GRID2: variants seen among roughly 807,000 people sequenced by gnomAD.
The protein encoded by GRID2 is glutamate receptor ionotropic, delta-2.
GRID2 carries 33 observed loss-of-function variants against 114.8 expected under a neutral mutation model. The observed-to-expected ratio is 0.29, with a 90% CI of 0.22 to 0.38. The LOEUF (loss-of-function observed/expected upper bound fraction) is 0.38, where lower values mean the gene tolerates loss of function less well. Among genes scored for constraint, GRID2 ranks in the 10% least tolerant of loss-of-function variants. The pLI is 1.00. For missense variants in GRID2, 1,184 were observed against 1,257.7 expected (o/e 0.94, Z 0.89); for synonymous variants, 505 against 449.9 (o/e 1.12, Z -1.55).
At chr4:93,169,165 C>T (rs1014713060) in intron 4 of GRID2, among the ~76,000 whole-genome samples, 1 of 150,288 alleles carries the variant, frequency 6.7e-6, no homozygotes, top group Admixed American at 6.7e-5. Flanking sequence ...CACACACACA[C>T]ACACACACAC....
rs557089736 is a variant in GRID2 at position 93,413,561 on chromosome 4, C to T, written c.1348-9210C>T. Among the ~76,000 whole-genome samples, 4 of 152,188 alleles carry T rather than the reference C, an allele frequency of 2.6e-5. No individual in the cohort carries two copies. In the East Asian group the frequency reaches 7.7e-4, roughly 29 times the overall value. On this transcript the variant is annotated intron_variant, in intron 9 of 15. Coordinates refer to ENST00000282020, the MANE Select transcript of GRID2 (RefSeq NM_001510.4). ...TCACATGCTTGCTGATAAATGTTAA[C>T]ATTCATTTTTATCCTTGCCAGTCAG...
intron 2 of GRID2, among the ~76,000 whole-genome samples, chr4:92,941,198 T>A (rs1751097284): frequency 6.6e-6 from 1 of 152,200 alleles, no homozygotes; most frequent in African/African-American, 2.4e-5. Context: ...CCTCTGGTCC[T>A]GGACTTTTTT....
intron 14 of GRID2, among the ~76,000 whole-genome samples, chr4:93,632,498 G>C (rs969634463): frequency 3.9e-5 from 6 of 152,020 alleles, no homozygotes; most frequent in African/African-American, 9.7e-5. Flanking sequence ...TCTTGTTTTT[G>C]TCAGGTTTGT....
intron 2 of GRID2, among the ~76,000 whole-genome samples, chr4:92,802,071 T>C (rs1740200301): frequency 6.6e-6 from 1 of 151,926 alleles, no homozygotes; most frequent in African/African-American, 2.4e-5. Flanking sequence ...ATGCCAATGT[T>C]TTCATTATAA....
At chr4:93,660,609 A>T (rs1436413275) in intron 14 of GRID2, among the ~76,000 whole-genome samples, 1 of 152,112 alleles carries the variant, frequency 6.6e-6, no homozygotes, top group Non-Finnish European at 1.5e-5. Flanking sequence ...TTAAAAATAT[A>T]TTTTAAGAAT....
chr4:93,142,165 A>T (rs952762111), intron 4 of GRID2, among the ~76,000 whole-genome samples: 7 of 152,168 alleles, frequency 4.6e-5, no homozygotes, highest in African/African-American at 1.7e-4. Flanking sequence ...GTGAGCCAAG[A>T]TGGTGCCACT....
chr4:92,606,023 TCTTCTTTCCAGGAAAA>T (rs569198358), intron 2 of GRID2, among the ~76,000 whole-genome samples: 36 of 152,188 alleles, frequency 2.4e-4, no homozygotes, highest in African/African-American at 8.2e-4. Flanking sequence ...CTGTAAGTGT[TCTTCTTTCCAGGAAAA>T]CTAAAATAAA....
At chr4:93,677,085 C>A (rs139306464) in intron 14 of GRID2, among the ~76,000 whole-genome samples, 3,996 of 152,308 alleles carry the variant, frequency 0.026, 71 homozygotes, top group Non-Finnish European at 0.038. Flanking sequence ...AAATACTGCG[C>A]TTTCCCTACG....
intron 8 of GRID2, among the ~76,000 whole-genome samples, chr4:93,358,372 G>C (rs1012148445): frequency 3.3e-5 from 5 of 151,804 alleles, no homozygotes; most frequent in Non-Finnish European, 7.4e-5. Flanking sequence ...ATTTTAATAA[G>C]TTAAGAAATT....
chr4:92,480,774 G>C (rs1301387707), intron 1 of GRID2, among the ~76,000 whole-genome samples: 2 of 152,088 alleles, frequency 1.3e-5, no homozygotes, highest in African/African-American at 4.8e-5. Flanking sequence ...TTAAGGTGTA[G>C]GCATATCTTT....
At chr4:93,247,342 T>C (rs1299433752) in intron 8 of GRID2, among the ~76,000 whole-genome samples, 2 of 152,174 alleles carry the variant, frequency 1.3e-5, no homozygotes, top group Non-Finnish European at 2.9e-5. Flanking sequence ...AGCATTTTAA[T>C]TGGCGTACTG....
chr4:92,359,381 T>A (rs113120896), intron 1 of GRID2, among the ~76,000 whole-genome samples: 4 of 152,042 alleles, frequency 2.6e-5, no homozygotes, highest in African/African-American at 9.7e-5. Flanking sequence ...AGCTCCATAC[T>A]GAAATGATTG....
At chr4:92,612,027 A>T (rs1270899169) in intron 2 of GRID2, among the ~76,000 whole-genome samples, 1 of 151,514 alleles carries the variant, frequency 6.6e-6, no homozygotes, top group Non-Finnish European at 1.5e-5. Context: ...TTATGTGTTT[A>T]GCTTTGATAT....
chr4:93,141,468 A>T (rs1398967353), intron 4 of GRID2, among the ~76,000 whole-genome samples: 3 of 152,210 alleles, frequency 2.0e-5, no homozygotes, highest in African/African-American at 7.2e-5. Context: ...CAAGCCTCTG[A>T]GATATCATCA....
At chr4:93,480,818 C>A (rs1163148392) in intron 11 of GRID2, among the ~76,000 whole-genome samples, 1 of 152,006 alleles carries the variant, frequency 6.6e-6, no homozygotes, top group Non-Finnish European at 1.5e-5. Context: ...TTTTTAATGT[C>A]TTTGTGTAGG....
At chr4:92,306,193 A>G (rs1725397644) in intron 1 of GRID2, among the ~76,000 whole-genome samples, 1 of 152,204 alleles carries the variant, frequency 6.6e-6, no homozygotes, top group South Asian at 2.1e-4. Flanking sequence ...GTCTTTGTAA[A>G]CATGTCTGCC....
chr4:93,263,662 A>G (rs1750496856), intron 8 of GRID2, among the ~76,000 whole-genome samples: 1 of 152,072 alleles, frequency 6.6e-6, no homozygotes, highest in African/African-American at 2.4e-5. Flanking sequence ...TTAGTGGATC[A>G]TCTTGACAGA....
Position 92,940,231 on chromosome 4 carries a change from T to G in GRID2, c.245-144764T>G, listed in dbSNP as rs574294077. ...TGTTCTTCCATTTGTTTGTATCCTC[T>G]TTTATTTCATTGAGCAGTGATTTGT... On this transcript the variant is annotated intron_variant, in intron 2 of 15. Coordinates refer to ENST00000282020, the MANE Select transcript of GRID2 (RefSeq NM_001510.4). Among the ~76,000 whole-genome samples the G allele has an allele frequency of 2.8e-3, 410 of 147,228 alleles. 39 individuals are homozygous for G. The highest frequency in any genetic ancestry group is 4.2e-3 in the Non-Finnish European group (281 of 66,470).
chr4:93,362,841 A>C (rs1020998347), intron 8 of GRID2, among the ~76,000 whole-genome samples: 4 of 152,078 alleles, frequency 2.6e-5, no homozygotes, highest in Non-Finnish European at 4.4e-5. Flanking sequence ...TTATGAGTGT[A>C]CTCTTACACC....
Sources: gnomAD v4.1 joint callset for allele counts (sites outside exome capture counted in the v4.1 genomes callset) on GRCh38, gnomAD v4.1.1 for gene constraint, MANE v1.5 for transcripts, NCBI Gene and HGNC (gene_info 2026-07-23, HGNC 2026-07-21) for gene names.